Variants in OSGEPL1 observed in about 807,000 individuals in gnomAD.
OSGEPL1 encodes the protein tRNA N6-adenosine threonylcarbamoyltransferase, mitochondrial.
Under a neutral mutation model 37.2 loss-of-function variants are expected in OSGEPL1, and 26 were observed. The ratio of observed to expected loss-of-function variants is 0.70; its 90% CI spans 0.51 to 0.97. The LOEUF is 0.97. Among genes scored for constraint, OSGEPL1 ranks in the 50% least tolerant of loss-of-function variants. The pLI is 0.00. For missense variants in OSGEPL1, 404 were observed against 487.0 expected, an observed-to-expected ratio of 0.83 and a Z score of 1.60; for synonymous variants, 140 against 159.9, an observed-to-expected ratio of 0.88 and a Z score of 0.94.
Position 189,750,666 on chromosome 2 carries a change from A to G in OSGEPL1, c.1167-10T>C. ...TACTCCAAGAGGACATCTACATCAT[A>G]AGCAGACAAATCGTATTATTTATTT... On this transcript the variant is annotated splice_polypyrimidine_tract_variant and intron_variant, in intron 7 of 8. Transcript: ENST00000264151. The G allele has an allele frequency of 6.4e-7, 1 of 1,561,582 alleles. No homozygotes were observed. The highest frequency in any genetic ancestry group is 1.2e-5 in the South Asian group (1 of 81,676).
intron 3 of OSGEPL1, chr2:189,754,885 G>T: frequency 2.8e-6 from 1 of 358,960 alleles, no homozygotes; most frequent in Non-Finnish European, 5.0e-6. Flanking sequence ...GTTAGTTTAC[G>T]AAGCACGTTC....
chr2:189,756,816 G>T (rs575047920), intron 2 of OSGEPL1, among the ~76,000 whole-genome samples: 1 of 152,198 alleles, frequency 6.6e-6, no homozygotes, highest in Non-Finnish European at 1.5e-5. Flanking sequence ...GATCCTTAGA[G>T]CCCATCCTAT....
At chr2:189,750,775 T>C in intron 7 of OSGEPL1, 119 bp from the exon 8 acceptor site, 1 of 668,442 alleles carries the variant, frequency 1.5e-6, no homozygotes, top group South Asian at 2.7e-5. Flanking sequence ...TCATCATATG[T>C]GGTGATGATT....
intron 1 of OSGEPL1, 173 bp downstream of exon 1, chr2:189,762,512 A>T (rs2047249271): frequency 1.2e-6 from 1 of 836,384 alleles, no homozygotes; most frequent in Admixed American, 6.2e-5. Context: ...CTGGACAAGG[A>T]GGATTGTACG....
intron 2 of OSGEPL1, among the ~76,000 whole-genome samples, chr2:189,760,166 A>C (rs1215585573): frequency 6.6e-6 from 1 of 152,248 alleles, no homozygotes; most frequent in Non-Finnish European, 1.5e-5. Flanking sequence ...CTTTCTACAC[A>C]GACATATTAA....
At chr2:189,755,773 C>A (rs1287958119) in intron 2 of OSGEPL1, among the ~76,000 whole-genome samples, 3 of 152,072 alleles carry the variant, frequency 2.0e-5, no homozygotes, top group Non-Finnish European at 4.4e-5. Context: ...TCAGTTTATG[C>A]ACAACAGACT....
Position 189,762,777 on chromosome 2 carries a change from G to A in OSGEPL1, c.-113C>T. The A allele has an allele frequency of 1.0e-6, 1 of 985,494 alleles. No homozygotes were observed. Among genetic ancestry groups the A allele is most frequent in the Non-Finnish European group, 1.2e-6 (1 of 830,026 alleles). The allele number at this position is 985,494 out of a possible 1,614,324, so 61.0% of individuals were successfully genotyped here. Reference sequence around the variant, plus strand: ...TCGCTGCAGGAGAAAGCCCGAACCTGGCGCCCGGAAGTGATGTCATCGGAA... The same window carrying A: ...TCGCTGCAGGAGAAAGCCCGAACCTAGCGCCCGGAAGTGATGTCATCGGAA... On this transcript the variant is annotated 5_prime_UTR_variant, in exon 1 of 9. Coordinates refer to ENST00000264151, the MANE Select transcript of OSGEPL1 (RefSeq NM_022353.3).
Position 189,746,731 on chromosome 2 carries a change from T to C in OSGEPL1, c.*466A>G, listed in dbSNP as rs2044214441. ...AACATAACTGAATAATCTTTTTGAA[T>C]GAAAGTTCTTGATCTCGATACTAAG... On this transcript the variant is annotated 3_prime_UTR_variant, in exon 9 of 9. Coordinates refer to ENST00000264151, the MANE Select transcript of OSGEPL1 (RefSeq NM_022353.3). 1 of 1,249,668 alleles carries C rather than the reference T, an allele frequency of 8.0e-7. No homozygotes were observed. Among genetic ancestry groups the C allele is most frequent in the Non-Finnish European group, 1.1e-6 (1 of 935,092 alleles). 77.4% of individuals were successfully genotyped at this position (1,249,668 alleles called of 1,614,324 possible).
At position 189,755,732 on chromosome 2, in the gene OSGEPL1, A is replaced by G. The variant is rs540478958; in HGVS notation, c.222-172T>C. Among the ~76,000 whole-genome samples the G allele has an allele frequency of 1.4e-4, 22 of 152,332 alleles. No individual in the cohort carries two copies. In the South Asian group the frequency reaches 2.9e-3, roughly 20 times the overall value. ...ACACTATGGTTAAAACTCAGTAAGC[A>G]GTAATTAAGGGGATAATGTTTCTGA... On this transcript the variant is annotated intron_variant, in intron 2 of 8. Transcript: ENST00000264151.
chr2:189,758,624 A>G (rs750201622), intron 2 of OSGEPL1, among the ~76,000 whole-genome samples: 2 of 152,224 alleles, frequency 1.3e-5, no homozygotes, highest in African/African-American at 2.4e-5. Flanking sequence ...GAACTAACAC[A>G]GGTTATAATA....
rs750776018 is a variant in OSGEPL1 at position 189,750,666 on chromosome 2, A to T, written c.1167-10T>A. ...TACTCCAAGAGGACATCTACATCAT[A>T]AGCAGACAAATCGTATTATTTATTT... On this transcript the variant is annotated splice_polypyrimidine_tract_variant and intron_variant, in intron 7 of 8. Transcript: ENST00000264151. 1.4e-5 allele frequency: 22 copies of T among 1,561,464 alleles called. No homozygotes were observed. The highest frequency in any genetic ancestry group is 1.8e-5 in the Non-Finnish European group (21 of 1,155,486).
chr2:189,752,549 A>G (rs1316659970), intron 7 of OSGEPL1, 104 bp downstream of exon 7: 2 of 1,060,036 alleles, frequency 1.9e-6, no homozygotes, highest in Non-Finnish European at 2.8e-6. Flanking sequence ...ACTTTCCTTC[A>G]AGTACCACCA....
In OSGEPL1 at chr2:189,762,782, C is replaced by T. The variant is rs530167382; in HGVS notation, c.-118G>A. On this transcript the variant is annotated 5_prime_UTR_variant, in exon 1 of 9. Transcript: ENST00000264151. ...GCAGGAGAAAGCCCGAACCTGGCGC[C>T]CGGAAGTGATGTCATCGGAACTGTG... 59 of 985,348 alleles carry T rather than the reference C, an allele frequency of 6.0e-5. No homozygotes were observed. Among genetic ancestry groups the T allele is most frequent in the Non-Finnish European group, 3.6e-6 (3 of 830,060 alleles). The allele number at this position is 985,348 out of a possible 1,614,324, so 61.0% of individuals were successfully genotyped here. A position where few individuals can be genotyped will look rare whatever the true frequency, so the allele number is the denominator to read the frequency against.
chr2:189,755,476 A>G lies in OSGEPL1; in HGVS notation c.306T>C (p.Ser102=), dbSNP rs746412119. ...CTGAGAGGTCACTTGGAGAGACTCC[A>G]CTGGCAGAAAGAGCTTCTTGTACTA... ...QRIVQEALSA[S]GVSPSDLSAI... The change falls in exon 3 of 9, where the codon AGT becomes AGC. Residue 102 remains serine (S), a synonymous_variant. Coordinates refer to ENST00000264151, the MANE Select transcript of OSGEPL1 (RefSeq NM_022353.3). 2 of 1,601,648 alleles carry G rather than the reference A, an allele frequency of 1.2e-6. No individual in the cohort carries two copies. The highest frequency in any genetic ancestry group is 8.5e-7 in the Non-Finnish European group (1 of 1,177,122).
chr2:189,760,635 CA>C lies in OSGEPL1; in HGVS notation c.221+784del. ...GTGAAACCCCGTCTCTACTAAAATG[CA>C]AAAAATCAGCTGGGCGTGGTGGCAC... On this transcript the variant is annotated intron_variant, in intron 2 of 8. Coordinates refer to ENST00000264151, the MANE Select transcript of OSGEPL1 (RefSeq NM_022353.3). Among the ~76,000 whole-genome samples, 2 of 151,932 alleles carry C rather than the reference CA, an allele frequency of 1.3e-5. 1 individual carries two copies. The highest frequency in any genetic ancestry group is 4.2e-4 in the South Asian group (2 of 4,802).
chr2:189,762,565 A>G (rs2047268360), intron 1 of OSGEPL1, 120 bp downstream of exon 1: 6 of 983,886 alleles, frequency 6.1e-6, no homozygotes, highest in Non-Finnish European at 7.2e-6. Context: ...GGCTGAACCC[A>G]CGTGACTTGG....
At chr2:189,758,434 C>A (rs781056630) in intron 2 of OSGEPL1, among the ~76,000 whole-genome samples, 2 of 152,098 alleles carry the variant, frequency 1.3e-5, no homozygotes, top group African/African-American at 4.8e-5. Flanking sequence ...CGGTCCTGCT[C>A]CTGCCATGTA....
In OSGEPL1 at chr2:189,752,900, A is replaced by C; in HGVS notation, c.1043T>G (p.Leu348Trp). The change falls in exon 6 of 9, where the codon TTG (leucine) becomes TGG (tryptophan). Residue 348 changes from leucine to tryptophan, a missense_variant. Leu to Trp is a moderately conservative substitution (Grantham distance 61). Coordinates refer to ENST00000264151, the MANE Select transcript of OSGEPL1 (RefSeq NM_022353.3). The stretch of plus-strand genomic sequence containing the variant: ...GCATAGTCTGGGAGGAGGACACAAC[A>C]AAGTGCACTGTGTTGCATTTGTTAA... ...EILTNATQCT[L>W]LCPPPRLCTD... is the part of the protein sequence containing the mutation. The C allele has an allele frequency of 6.2e-7, 1 of 1,613,958 alleles. No homozygotes were observed.
chr2:189,761,441 G>A lies in OSGEPL1; in HGVS notation c.200C>T (p.Ser67Phe). ...TGNVLGEAIH[S>F]QTEVHLKTGG... Reference sequence around the variant, plus strand: ...TTACTTTAAATGAACTTCAGTTTGGGAATGTATTGCTTCTCCCAACACATT... The same window carrying A: ...TTACTTTAAATGAACTTCAGTTTGGAAATGTATTGCTTCTCCCAACACATT... The change falls in exon 2 of 9, where the codon TCC (serine) becomes TTC (phenylalanine). Residue 67 changes from serine (S) to phenylalanine (F), a missense_variant. Coordinates refer to ENST00000264151, the MANE Select transcript of OSGEPL1 (RefSeq NM_022353.3). The A allele has an allele frequency of 6.2e-7, 1 of 1,604,370 alleles. No individual in the cohort carries two copies. The highest frequency in any genetic ancestry group is 2.2e-5 in the East Asian group (1 of 44,556).
Sources: allele counts gnomAD v4.1 joint callset (sites outside exome capture counted in the v4.1 genomes callset), GRCh38; gene constraint gnomAD v4.1.1; transcripts MANE v1.5; gene names NCBI Gene and HGNC (gene_info 2026-07-23, HGNC 2026-07-21).